The following SH3RF3 variants were observed in gnomAD, a reference collection of about 807,000 sequenced individuals.
The protein encoded by SH3RF3 is SH3 domain containing ring finger 3, also known as E3 ubiquitin-protein ligase SH3RF3.
SH3RF3 carries 29 observed loss-of-function variants against 66.3 expected under a neutral mutation model. The ratio of observed to expected loss-of-function variants is 0.44; its 90% CI spans 0.33 to 0.60. The LOEUF (loss-of-function observed/expected upper bound fraction) is 0.60, where lower values mean the gene tolerates loss of function less well. SH3RF3 is among the 20% of genes least tolerant of loss of function. The probability of loss-of-function intolerance (pLI) is 0.04; values close to 1 mark genes in which losing one functional copy is unlikely to be tolerated. For synonymous variants in SH3RF3, 583 were observed against 532.0 expected, an observed-to-expected ratio of 1.10 and a Z score of -1.32; for missense variants, 1,194 against 1,190.9, an observed-to-expected ratio of 1.00 and a Z score of -0.04.
chr2:109,407,884 G>C (rs771228566), intron 4 of SH3RF3, among the ~76,000 whole-genome samples: 9 of 152,186 alleles, frequency 5.9e-5, no homozygotes, highest in Non-Finnish European at 1.3e-4. Flanking sequence ...GTGACCTGGC[G>C]TCCTGATGAT....
chr2:109,371,787 A>T (rs1683278335), intron 3 of SH3RF3, 106 bp downstream of exon 3: 2 of 899,812 alleles, frequency 2.2e-6, no homozygotes, highest in Non-Finnish European at 1.8e-6. Flanking sequence ...GAGAAAGAGG[A>T]TCCTCCACAA....
At chr2:109,405,731 C>T (rs1320704681) in intron 4 of SH3RF3, among the ~76,000 whole-genome samples, 2 of 152,198 alleles carry the variant, frequency 1.3e-5, no homozygotes, top group Non-Finnish European at 2.9e-5. Context: ...CAAATCAATT[C>T]CCCCACTGTC....
In SH3RF3 at chr2:109,490,750, C is replaced by A; in HGVS notation, c.2294C>A (p.Ser765Tyr). The stretch of plus-strand genomic sequence containing the variant: ...CAAGGTGCAGTGGGCCCCGAAGTGT[C>A]CTCACTGTCCATCCACGGCAGGGCA... ...LLQGAVGPEV[S>Y]SLSIHGRAGS... The change falls in exon 9 of 10, where the codon TCC becomes TAC. Residue 765 changes from serine to tyrosine, a missense_variant. Physicochemically the swap from Ser to Tyr is moderately radical, Grantham distance 144 (BLOSUM62 -2). Transcript: ENST00000309415. 6.5e-7 allele frequency: 1 copy of A among 1,536,536 alleles called. No homozygotes were observed. The highest frequency in any genetic ancestry group is 8.7e-7 in the Non-Finnish European group (1 of 1,146,428).
chr2:109,495,812 C>G (rs1019209260), intron 9 of SH3RF3, among the ~76,000 whole-genome samples: 2 of 152,118 alleles, frequency 1.3e-5, no homozygotes, highest in Admixed American at 6.5e-5. Context: ...TTTTTATAGT[C>G]CTAGTTTCCA....
chr2:109,316,113 A>G (rs1298567241), intron 1 of SH3RF3, among the ~76,000 whole-genome samples: 1 of 152,208 alleles, frequency 6.6e-6, no homozygotes, highest in Non-Finnish European at 1.5e-5. Flanking sequence ...GGAAAAACCT[A>G]AAGCTTTCAA....
chr2:109,247,669 GT>G (rs749150518), intron 1 of SH3RF3, among the ~76,000 whole-genome samples: 1 of 152,212 alleles, frequency 6.6e-6, no homozygotes, highest in East Asian at 1.9e-4. Context: ...TCCTTTGTTA[GT>G]TTCTGATTGC....
In SH3RF3 at chr2:109,490,886, G is replaced by A. The variant is rs567727189; in HGVS notation, c.2430G>A (p.Pro810=). 69 of 1,526,952 alleles carry A rather than the reference G, an allele frequency of 4.5e-5. No homozygotes were observed. The African/African-American group carries it at 5.9e-4, about 13-fold the overall frequency. 94.6% of individuals were successfully genotyped at this position (1,526,952 alleles called of 1,614,324 possible). ...LNFTSPSRQA[P]LSMAAIRPEP... ...TCACATCTCCTTCCCGGCAAGCTCC[G>A]CTGTCCATGGCTGCCATCCGCCCCG... The change falls in exon 9 of 10, where the codon CCG becomes CCA. Residue 810 remains proline, a synonymous_variant. Transcript: ENST00000309415.
At position 109,142,190 on chromosome 2, in the gene SH3RF3, G is replaced by A. The variant is rs570055495; in HGVS notation, c.573+12077G>A. Among the ~76,000 whole-genome samples the A allele has an allele frequency of 5.3e-5, 8 of 152,274 alleles. No homozygotes were observed. In the East Asian group the frequency reaches 1.2e-3, roughly 22 times the overall value. Reference sequence around the variant, plus strand: ...TGCTTCCCATGGTCCAGCCCCCTGGGCGGACTCTTGCGCCTTTGTGACTGG... The same window carrying A: ...TGCTTCCCATGGTCCAGCCCCCTGGACGGACTCTTGCGCCTTTGTGACTGG... On this transcript the variant is annotated intron_variant, in intron 1 of 9. Transcript: ENST00000309415.
intron 1 of SH3RF3, among the ~76,000 whole-genome samples, chr2:109,342,162 C>T (rs1682569445): frequency 6.6e-6 from 1 of 152,202 alleles, no homozygotes; most frequent in African/African-American, 2.4e-5. Context: ...GGGCTGAGCC[C>T]CTGGCTGGAA....
At chr2:109,133,840 C>G (rs986124501) in intron 1 of SH3RF3, among the ~76,000 whole-genome samples, 6 of 151,322 alleles carry the variant, frequency 4.0e-5, no homozygotes, top group African/African-American at 1.2e-4. Context: ...ATAAGGACAA[C>G]AGATCCCTGA....
chr2:109,478,162 C>T (rs1678738750), intron 8 of SH3RF3, among the ~76,000 whole-genome samples: 1 of 152,288 alleles, frequency 6.6e-6, no homozygotes, highest in Non-Finnish European at 1.5e-5. Context: ...TTGGGGCAGG[C>T]GATTCTAGTG....
At chr2:109,378,690 G>A (rs1278499602) in intron 3 of SH3RF3, among the ~76,000 whole-genome samples, 1 of 152,194 alleles carries the variant, frequency 6.6e-6, no homozygotes, top group Non-Finnish European at 1.5e-5. Flanking sequence ...GGCCAGGGAA[G>A]CCTTTCATGT....
intron 8 of SH3RF3, among the ~76,000 whole-genome samples, chr2:109,459,922 A>T (rs1297053926): frequency 6.6e-6 from 1 of 152,178 alleles, no homozygotes; most frequent in Non-Finnish European, 1.5e-5. Flanking sequence ...GAGAAATAGC[A>T]CCATATATTT....
intron 3 of SH3RF3, among the ~76,000 whole-genome samples, chr2:109,396,378 C>T (rs1676145400): frequency 6.6e-6 from 1 of 152,160 alleles, no homozygotes; most frequent in South Asian, 2.1e-4. Context: ...TTTTTCATAA[C>T]CTCCCTCTGA....
intron 3 of SH3RF3, among the ~76,000 whole-genome samples, chr2:109,381,876 G>A (rs1269086052): frequency 6.6e-6 from 1 of 152,022 alleles, no homozygotes; most frequent in Non-Finnish European, 1.5e-5. Context: ...GTTTATAAGG[G>A]GAGCTGAGTG....
Position 109,490,733 on chromosome 2 carries a change from A to G in SH3RF3, c.2277A>G (p.Ala759=). Residue 759 remains alanine, a synonymous_variant, in exon 9 of 10, where the codon GCA becomes GCG. Transcript: ENST00000309415. ...CCGTGGACGCCCTGCTCCAAGGTGC[A>G]GTGGGCCCCGAAGTGTCCTCACTGT... ...QVAVDALLQG[A]VGPEVSSLSI... 1.3e-6 allele frequency: 2 copies of G among 1,536,100 alleles called. No homozygotes were observed. Among genetic ancestry groups the G allele is most frequent in the Non-Finnish European group, 1.7e-6 (2 of 1,146,178 alleles).
intron 1 of SH3RF3, among the ~76,000 whole-genome samples, chr2:109,313,167 G>T (rs1309381926): frequency 4.6e-5 from 7 of 152,176 alleles, no homozygotes; most frequent in African/African-American, 1.7e-4. Context: ...GGGCTGAGCT[G>T]GGAAGAACCA....
chr2:109,230,159 C>T (rs567529371), intron 1 of SH3RF3, among the ~76,000 whole-genome samples: 1 of 151,994 alleles, frequency 6.6e-6, no homozygotes, highest in African/African-American at 2.4e-5. Context: ...ACTAATATTC[C>T]GTCGTATGGA....
intron 1 of SH3RF3, among the ~76,000 whole-genome samples, chr2:109,180,131 T>C (rs1406133448): frequency 2.6e-5 from 4 of 151,590 alleles, no homozygotes; most frequent in Non-Finnish European, 1.5e-5. Context: ...TTTTTTTTTT[T>C]CTCTAGTCTG....
Sources: allele counts gnomAD v4.1 joint callset (sites outside exome capture counted in the v4.1 genomes callset), GRCh38; gene constraint gnomAD v4.1.1; transcripts MANE v1.5; gene names NCBI Gene and HGNC (gene_info 2026-07-23, HGNC 2026-07-21).